The following CDC45 variants were observed in gnomAD, a reference collection of about 807,000 sequenced individuals.
The protein encoded by CDC45 is cell division cycle 45, also known as cell division control protein 45 homolog.
In CDC45, 54 loss-of-function variants were observed where a neutral mutation model predicts 77.8. That is an observed-to-expected ratio of 0.69 (90% CI 0.56 to 0.87). CDC45 has a LOEUF of 0.87. Among genes scored for constraint, CDC45 ranks in the 40% least tolerant of loss-of-function variants. CDC45 has a pLI of 0.00. For synonymous variants in CDC45, 260 were observed against 272.1 expected, an observed-to-expected ratio of 0.96 and a Z score of 0.44; for missense variants, 649 against 721.6, an observed-to-expected ratio of 0.90 and a Z score of 1.15.
intron 13 of CDC45, among the ~76,000 whole-genome samples, chr22:19,513,196 A>G (rs1314036030): frequency 6.6e-6 from 1 of 152,206 alleles, no homozygotes; most frequent in African/African-American, 2.4e-5. Flanking sequence ...CAAGGTGTAG[A>G]AACAGCCTTA....
intron 8 of CDC45, 88 bp downstream of exon 8, chr22:19,497,535 G>C: frequency 9.1e-7 from 1 of 1,096,824 alleles, no homozygotes; most frequent in Non-Finnish European, 1.4e-6. Context: ...CAGGGAGGGT[G>C]TTTCCCTTGT....
At chr22:19,480,908 C>A in intron 2 of CDC45, 45 bp from the exon 3 acceptor site, 2 of 1,245,442 alleles carry the variant, frequency 1.6e-6, no homozygotes, top group Non-Finnish European at 2.3e-6. Flanking sequence ...AGGTAAATTG[C>A]TAATGTCCTA....
At chr22:19,482,902 T>A in intron 4 of CDC45, 75 bp downstream of exon 4, 2 of 1,405,108 alleles carry the variant, frequency 1.4e-6, no homozygotes. Context: ...GTGTTCTTGG[T>A]AAGGTGTGTG....
intron 5 of CDC45, among the ~76,000 whole-genome samples, chr22:19,494,044 A>G (rs535211897): frequency 6.6e-6 from 1 of 152,318 alleles, no homozygotes; most frequent in South Asian, 2.1e-4. Flanking sequence ...GACAGCAGCT[A>G]GGGTGGATGA....
At chr22:19,499,475 TGGG>T (rs2090302211) in intron 9 of CDC45, among the ~76,000 whole-genome samples, 1 of 147,642 alleles carries the variant, frequency 6.8e-6, no homozygotes, top group Admixed American at 6.7e-5. Flanking sequence ...TTGCAGTAGG[TGGG>T]GGGATGGGGG....
rs2073737 is a variant in CDC45, at chr22:19,508,226, A to G, written c.1056-304A>G. ...AGGTGAACTCTGCCCGACCAAGTCC[A>G]TGGGCACTCCTGGAGGCCCCTGGCT... On this transcript the variant is annotated intron_variant, in intron 12 of 18. Transcript: ENST00000263201. 0.36 allele frequency among the ~76,000 whole-genome samples: 54,091 copies of G among 152,042 alleles called. 11,736 individuals carry two copies. The highest frequency in any genetic ancestry group is 0.48 in the Non-Finnish European group (32,601 of 67,936).
At chr22:19,519,309 C>G (rs559822293) in intron 18 of CDC45, among the ~76,000 whole-genome samples, 8 of 152,324 alleles carry the variant, frequency 5.3e-5, no homozygotes, top group Admixed American at 3.3e-4. Flanking sequence ...AGCAGCCATC[C>G]GGGCTTTTGT....
At chr22:19,479,570 G>T, upstream of CDC45, 1 of 578,194 alleles carries the variant, frequency 1.7e-6, no homozygotes, top group Non-Finnish European at 3.4e-6. Flanking sequence ...CTGCCCCATT[G>T]GGTATGTGAC....
At chr22:19,519,992 G>C (rs994934959) in intron 18 of CDC45, among the ~76,000 whole-genome samples, 1 of 152,242 alleles carries the variant, frequency 6.6e-6, no homozygotes, top group African/African-American at 2.4e-5. Context: ...TAGACGATGA[G>C]TGTGAGCATC....
In CDC45 at chr22:19,497,395, G is replaced by A. The variant is rs747929483; in HGVS notation, c.601G>A (p.Val201Met). The change falls in exon 8 of 19, where the codon GTG becomes ATG. Residue 201 changes from valine to methionine, a missense_variant. Val to Met is a conservative substitution (Grantham distance 21). Coordinates refer to ENST00000263201, the MANE Select transcript of CDC45 (RefSeq NM_003504.5). ...YEYHGTSSAM[V>M]MFELAWMLSK... ...CTCTGCTTCCTTACAGTCAGCCATG[G>A]TGATGTTTGAGCTGGCTTGGATGCT... is the stretch of plus-strand genomic sequence containing the variant. 3.1e-6 allele frequency: 5 copies of A among 1,614,106 alleles called. No homozygotes were observed. In the East Asian group the frequency reaches 1.1e-4, roughly 36 times the overall value.
chr22:19,514,599 T>C (rs762375147), intron 13 of CDC45, 150 bp from the exon 14 acceptor site: 2 of 640,420 alleles, frequency 3.1e-6, no homozygotes, highest in Non-Finnish European at 5.4e-6. Flanking sequence ...TTTCCTTTCA[T>C]GTGAAAGACA....
At chr22:19,510,151 G>A (rs1368499605) in intron 13 of CDC45, among the ~76,000 whole-genome samples, 2 of 151,950 alleles carry the variant, frequency 1.3e-5, no homozygotes, top group African/African-American at 2.4e-5. Context: ...TTGTAAAGAT[G>A]TATCACTATG....
In CDC45 at chr22:19,480,466, A is replaced by G. The variant is rs539645408; in HGVS notation, c.111+249A>G. Among the ~76,000 whole-genome samples, 7 of 152,326 alleles carry G rather than the reference A, an allele frequency of 4.6e-5. 1 individual carries two copies. The East Asian group carries it at 1.3e-3, about 29-fold the overall frequency. The stretch of plus-strand genomic sequence containing the variant: ...GAGACTAGTTTGTATTTTTGCAATA[A>G]GCTATTAATATTAATAGGTGAACAC... On this transcript the variant is annotated intron_variant, in intron 2 of 18. Coordinates refer to ENST00000263201, the MANE Select transcript of CDC45 (RefSeq NM_003504.5).
chr22:19,504,500 T>C (rs1471217611), intron 9 of CDC45, among the ~76,000 whole-genome samples: 1 of 152,112 alleles, frequency 6.6e-6, no homozygotes, highest in Non-Finnish European at 1.5e-5. Context: ...GGTTTCTTCA[T>C]GTTGGTCAGG....
intron 2 of CDC45, 94 bp from the exon 3 acceptor site, chr22:19,480,859 T>G (rs2089968867): frequency 1.3e-6 from 1 of 747,902 alleles, no homozygotes; most frequent in Non-Finnish European, 2.3e-6. Flanking sequence ...CCGTGTCTTT[T>G]GTCTCTCAAC....
chr22:19,481,624 C>T (rs1211609657), intron 3 of CDC45, among the ~76,000 whole-genome samples: 1 of 151,710 alleles, frequency 6.6e-6, no homozygotes, highest in African/African-American at 2.4e-5. Context: ...TGTGATCTGC[C>T]CACCTCCGAA....
intron 8 of CDC45, 55 bp downstream of exon 8, chr22:19,497,502 A>T (rs942860372): frequency 9.7e-6 from 14 of 1,449,510 alleles, no homozygotes; most frequent in Non-Finnish European, 1.4e-5. Flanking sequence ...GGTCAGTGCC[A>T]CATAAGCAGC....
intron 5 of CDC45, among the ~76,000 whole-genome samples, chr22:19,492,144 G>A (rs986666057): frequency 6.6e-6 from 1 of 152,100 alleles, no homozygotes; most frequent in East Asian, 1.9e-4. Flanking sequence ...CAGCCATTAT[G>A]TCTTCAAGTG....
chr22:19,480,878 T>C, intron 2 of CDC45, 75 bp from the exon 3 acceptor site: 1 of 923,206 alleles, frequency 1.1e-6, no homozygotes, highest in Non-Finnish European at 1.7e-6. Context: ...ACCCGTCTAA[T>C]CTTCCTCAGT....
Sources: allele counts gnomAD v4.1 joint callset (sites outside exome capture counted in the v4.1 genomes callset), GRCh38; gene constraint gnomAD v4.1.1; transcripts MANE v1.5; gene names NCBI Gene and HGNC (gene_info 2026-07-23, HGNC 2026-07-21).